The following FSHR variants were observed in gnomAD, a reference collection of about 807,000 sequenced individuals.
FSHR encodes follicle stimulating hormone receptor.
In FSHR, 46 loss-of-function variants were observed where a neutral mutation model predicts 52.1. That is an observed-to-expected ratio of 0.88 (90% CI 0.70 to 1.13). The LOEUF (loss-of-function observed/expected upper bound fraction) is 1.13, where lower values mean the gene tolerates loss of function less well. Ranked by LOEUF, FSHR falls within the 50% of genes most tolerant of loss-of-function variation. The pLI is 0.00. For missense variants in FSHR, 964 were observed against 834.6 expected, an observed-to-expected ratio of 1.16 and a Z score of -1.91; for synonymous variants, 399 against 309.6, an observed-to-expected ratio of 1.29 and a Z score of -3.03.
At chr2:49,053,759 G>A (rs1668955488) in intron 2 of FSHR, among the ~76,000 whole-genome samples, 1 of 152,150 alleles carries the variant, frequency 6.6e-6, no homozygotes, top group Non-Finnish European at 1.5e-5. Context: ...GTTAAACTGG[G>A]ATAATAAATG....
At chr2:49,130,216 A>G (rs991632232) in intron 1 of FSHR, among the ~76,000 whole-genome samples, 1 of 152,226 alleles carries the variant, frequency 6.6e-6, no homozygotes, top group African/African-American at 2.4e-5. Flanking sequence ...ATAAGGTAGT[A>G]CAAGAAAGCA....
rs769534754 is a variant in FSHR at position 48,963,044 on chromosome 2, T to C, written c.1777A>G (p.Ile593Val). The stretch of plus-strand genomic sequence containing the variant: ...AGGGGCACCTTGAGGGAGGCAGAAA[T>C]GGCAAAGAAAGAAATGGGTGCCATG... ...LCMAPISFFA[I>V]SASLKVPLIT... The change falls in exon 10 of 10, where the codon ATT (isoleucine) becomes GTT (valine). Residue 593 changes from isoleucine to valine, a missense_variant. Physicochemically the swap from Ile to Val is conservative, Grantham distance 29. Transcript: ENST00000406846. 3.1e-6 allele frequency: 5 copies of C among 1,613,864 alleles called. No homozygotes were observed. In the Admixed American group the frequency reaches 8.3e-5, roughly 27 times the overall value.
Position 49,005,935 on chromosome 2 carries a change from G to C in FSHR, c.374+11554C>G, listed in dbSNP as rs111488648. ...GCAGACCCACCCTTAATCTGAGTGG[G>C]TACCATCTAATCAGCTGCCAGCATG... On this transcript the variant is annotated intron_variant, in intron 4 of 9. Transcript: ENST00000406846. 7.2e-5 allele frequency among the ~76,000 whole-genome samples: 11 copies of C among 152,210 alleles called. No individual in the cohort carries two copies. The South Asian group carries it at 2.3e-3, about 32-fold the overall frequency.
chr2:49,004,810 G>A (rs918014468), intron 4 of FSHR, among the ~76,000 whole-genome samples: 3 of 152,088 alleles, frequency 2.0e-5, no homozygotes, highest in African/African-American at 7.2e-5. Flanking sequence ...CTGATTTCTG[G>A]TGATGAAAGA....
chr2:49,124,117 C>T lies in FSHR; in HGVS notation c.152+30149G>A, dbSNP rs1343135443. 4.0e-5 allele frequency among the ~76,000 whole-genome samples: 6 copies of T among 151,462 alleles called. No individual in the cohort carries two copies. In the South Asian group the frequency reaches 6.3e-4, roughly 16 times the overall value. ...TAGGCAATTCTCTGTCTCAGCCTCC[C>T]GAGTAGCTGGGATTACAGGCACCCA... On this transcript the variant is annotated intron_variant, in intron 1 of 9. Transcript: ENST00000406846.
intron 2 of FSHR, among the ~76,000 whole-genome samples, chr2:49,039,614 A>C (rs902854900): frequency 6.6e-6 from 1 of 152,216 alleles, no homozygotes; most frequent in Non-Finnish European, 1.5e-5. Flanking sequence ...GCAGACTTCT[A>C]CTTTTTTCCA....
chr2:49,145,335 G>T (rs1672831866), intron 1 of FSHR, among the ~76,000 whole-genome samples: 1 of 152,004 alleles, frequency 6.6e-6, no homozygotes, highest in African/African-American at 2.4e-5. Context: ...TTAATTTGCT[G>T]ATTGTTCATT....
intron 1 of FSHR, among the ~76,000 whole-genome samples, chr2:49,072,588 T>G (rs1669777504): frequency 6.6e-6 from 1 of 152,158 alleles, no homozygotes; most frequent in Non-Finnish European, 1.5e-5. Flanking sequence ...TAAGAAACAT[T>G]GGTAAAATGA....
chr2:49,081,975 T>C (rs917858288), intron 1 of FSHR, among the ~76,000 whole-genome samples: 1 of 152,212 alleles, frequency 6.6e-6, no homozygotes, highest in Non-Finnish European at 1.5e-5. Context: ...CTGGGTTCTG[T>C]GTTCTTTGAA....
At chr2:49,021,446 A>G (rs982171410) in intron 2 of FSHR, among the ~76,000 whole-genome samples, 6 of 152,218 alleles carry the variant, frequency 3.9e-5, no homozygotes, top group African/African-American at 1.4e-4. Flanking sequence ...TCTCACAGGC[A>G]GCATGCATTC....
intron 2 of FSHR, among the ~76,000 whole-genome samples, chr2:49,064,375 T>C (rs1669428239): frequency 6.6e-6 from 1 of 152,002 alleles, no homozygotes; most frequent in South Asian, 2.1e-4. Flanking sequence ...AAGAGATTAG[T>C]GTTGCCATTA....
chr2:49,097,562 G>C (rs1670873244), intron 1 of FSHR, among the ~76,000 whole-genome samples: 1 of 152,166 alleles, frequency 6.6e-6, no homozygotes, highest in Non-Finnish European at 1.5e-5. Context: ...ATGAAGTGAA[G>C]ATTTTCAAAC....
chr2:49,097,555 A>T (rs1160067718), intron 1 of FSHR, among the ~76,000 whole-genome samples: 1 of 152,216 alleles, frequency 6.6e-6, no homozygotes, highest in Admixed American at 6.5e-5. Flanking sequence ...AGAAGGAATG[A>T]AGTGAAGATT....
chr2:49,102,712 T>A (rs145005450), intron 1 of FSHR, among the ~76,000 whole-genome samples: 41 of 152,336 alleles, frequency 2.7e-4, no homozygotes, highest in African/African-American at 9.4e-4. Flanking sequence ...AAATCTAGGA[T>A]GATGTATAAT....
intron 1 of FSHR, among the ~76,000 whole-genome samples, chr2:49,078,084 G>C (rs1171126641): frequency 1.3e-5 from 2 of 152,120 alleles, no homozygotes; most frequent in Non-Finnish European, 2.9e-5. Context: ...CAAATTTACT[G>C]TTTTAGTCCA....
chr2:48,990,457 A>G (rs1378137969), intron 5 of FSHR, 109 bp downstream of exon 5: 1 of 809,544 alleles, frequency 1.2e-6, no homozygotes, highest in Non-Finnish European at 2.2e-6. Flanking sequence ...ACCCAGAGCA[A>G]TACATTTGGA....
chr2:49,093,089 T>C (rs1670674167), intron 1 of FSHR, among the ~76,000 whole-genome samples: 1 of 152,262 alleles, frequency 6.6e-6, no homozygotes, highest in Admixed American at 6.5e-5. Flanking sequence ...CAGTGATTTT[T>C]CATCCATATT....
intron 2 of FSHR, among the ~76,000 whole-genome samples, chr2:49,045,644 T>A (rs1461821960): frequency 6.6e-6 from 1 of 152,132 alleles, no homozygotes; most frequent in African/African-American, 2.4e-5. Context: ...ACAGCTTGGG[T>A]CAATTTTTAT....
intron 8 of FSHR, among the ~76,000 whole-genome samples, chr2:48,978,005 T>G (rs1312638117): frequency 3.3e-5 from 5 of 152,178 alleles, no homozygotes; most frequent in African/African-American, 1.2e-4. Flanking sequence ...TAGTGAGTAG[T>G]TTTGAGAATT....
Sources: gnomAD v4.1 joint callset for allele counts (sites outside exome capture counted in the v4.1 genomes callset) on GRCh38, gnomAD v4.1.1 for gene constraint, MANE v1.5 for transcripts, NCBI Gene and HGNC (gene_info 2026-07-23, HGNC 2026-07-21) for gene names.